GALNT2: variants seen among roughly 807,000 people sequenced by gnomAD.
The protein encoded by GALNT2 is polypeptide N-acetylgalactosaminyltransferase 2.
In GALNT2, 31 loss-of-function variants were observed where a neutral mutation model predicts 81.4. The observed-to-expected ratio is 0.38, with a 90% CI of 0.29 to 0.51. The LOEUF is 0.51. Ranked by LOEUF, GALNT2 falls within the 20% of genes least tolerant of loss-of-function variation. GALNT2 has a pLI of 0.87. For synonymous variants in GALNT2, 303 were observed against 287.4 expected, an observed-to-expected ratio of 1.05 and a Z score of -0.55; for missense variants, 629 against 765.7, an observed-to-expected ratio of 0.82 and a Z score of 2.11.
chr1:230,260,338 C>G (rs1044985642), intron 11 of GALNT2, among the ~76,000 whole-genome samples: 7 of 151,964 alleles, frequency 4.6e-5, no homozygotes, highest in African/African-American at 1.7e-4. Context: ...CTGAGTGAAC[C>G]AATAAATAAA....
chr1:230,205,273 T>G (rs755000757), intron 3 of GALNT2, among the ~76,000 whole-genome samples: 5 of 152,208 alleles, frequency 3.3e-5, no homozygotes, highest in Non-Finnish European at 5.9e-5. Context: ...CTTAACAGCT[T>G]TCTTTGGGTT....
intron 1 of GALNT2, among the ~76,000 whole-genome samples, chr1:230,149,425 T>C (rs576323510): frequency 2.0e-5 from 3 of 152,238 alleles, no homozygotes; most frequent in African/African-American, 7.2e-5. Context: ...AATAGCTTGG[T>C]GGTTTGAGCA....
chr1:230,062,023 G>A (rs999510273), intron 1 of GALNT2, among the ~76,000 whole-genome samples: 14 of 152,044 alleles, frequency 9.2e-5, no homozygotes, highest in African/African-American at 3.1e-4. Flanking sequence ...ATGTGTTCAC[G>A]GACGTCTTCC....
At chr1:230,103,112 T>C (rs769272650) in intron 1 of GALNT2, among the ~76,000 whole-genome samples, 2 of 152,168 alleles carry the variant, frequency 1.3e-5, no homozygotes, top group Non-Finnish European at 2.9e-5. Flanking sequence ...GTAAAGAGCC[T>C]CTGTTACCTC....
intron 1 of GALNT2, chr1:230,092,176 G>GTTTTTTTTTTTTTTTTTTTTT (rs1553311874): frequency 2.4e-5 from 1 of 42,262 alleles, no homozygotes; most frequent in East Asian, 6.5e-4. Context: ...TATTCCTTTA[G>GTTTTTTTTTTTTTTTTTTTTT]TTTTTTTTTT....
intron 1 of GALNT2, among the ~76,000 whole-genome samples, chr1:230,067,902 C>T (rs190192715): frequency 6.6e-6 from 1 of 152,308 alleles, no homozygotes; most frequent in Non-Finnish European, 1.5e-5. Context: ...GCGTGGGTTC[C>T]GTGTTTCTGC....
intron 2 of GALNT2, among the ~76,000 whole-genome samples, chr1:230,189,027 C>T: frequency 6.6e-6 from 1 of 152,188 alleles, no homozygotes; most frequent in South Asian, 2.1e-4. Context: ...GGAAGAGGAG[C>T]AGGGGCAGCT....
upstream of GALNT2, chr1:230,057,977 G>A: frequency 2.2e-6 from 1 of 455,080 alleles, no homozygotes; most frequent in African/African-American, 2.0e-5. Context: ...GGGAGGAAAG[G>A]GCTCTGATAC....
intron 1 of GALNT2, among the ~76,000 whole-genome samples, chr1:230,165,155 T>C (rs1274433089): frequency 6.6e-6 from 1 of 152,248 alleles, no homozygotes; most frequent in Non-Finnish European, 1.5e-5. Context: ...CCAACACTCA[T>C]CATTCTCCAC....
At chr1:230,246,223 T>C in intron 8 of GALNT2, 73 bp downstream of exon 8, 6 of 1,119,218 alleles carry the variant, frequency 5.4e-6, no homozygotes, top group African/African-American at 1.5e-5. Flanking sequence ...CTCCCTCTCA[T>C]TGTCAGGAGT....
At chr1:230,081,002 C>T (rs750314859) in intron 1 of GALNT2, among the ~76,000 whole-genome samples, 5 of 152,210 alleles carry the variant, frequency 3.3e-5, no homozygotes, top group Non-Finnish European at 7.3e-5. Context: ...CAGGCATTCA[C>T]GAGCCCAGAG....
chr1:230,254,773 C>T (rs1475922709), intron 10 of GALNT2, among the ~76,000 whole-genome samples: 1 of 152,186 alleles, frequency 6.6e-6, no homozygotes, highest in Non-Finnish European at 1.5e-5. Flanking sequence ...GTTGCCTTTT[C>T]CCACGGTGTT....
At chr1:230,175,717 T>C (rs1408981452) in intron 1 of GALNT2, among the ~76,000 whole-genome samples, 3 of 146,192 alleles carry the variant, frequency 2.1e-5, no homozygotes, top group Non-Finnish European at 4.5e-5. Context: ...CCATTTTTAC[T>C]GTAGGAGCAG....
intron 1 of GALNT2, among the ~76,000 whole-genome samples, chr1:230,076,567 A>T (rs1571932321): frequency 6.6e-6 from 1 of 152,088 alleles, no homozygotes; most frequent in African/African-American, 2.4e-5. Flanking sequence ...AGCTTCTGTG[A>T]TAGATAGTAT....
In GALNT2 at chr1:230,145,701, C is replaced by T. The variant is rs147441871; in HGVS notation, c.127-32517C>T. On this transcript the variant is annotated intron_variant, in intron 1 of 15. Coordinates refer to ENST00000366672, the MANE Select transcript of GALNT2 (RefSeq NM_004481.5). The stretch of plus-strand genomic sequence containing the variant: ...GCCTTGCCCCGTGTGGTGCCTGATG[C>T]AGCACAGCAGGACGTCAGGCAAGCC... Among the ~76,000 whole-genome samples the T allele has an allele frequency of 1.8e-3, 276 of 152,350 alleles. 1 individual carries two copies. Among genetic ancestry groups the T allele is most frequent in the African/African-American group, 6.4e-3 (267 of 41,588 alleles).
intron 1 of GALNT2, among the ~76,000 whole-genome samples, chr1:230,127,206 G>A (rs113519063): frequency 5.2e-4 from 79 of 151,848 alleles, no homozygotes; most frequent in African/African-American, 1.8e-3. Context: ...TGTGAGCCCC[G>A]CCTGCGCTGG....
intron 1 of GALNT2, among the ~76,000 whole-genome samples, chr1:230,173,624 C>T (rs1662867005): frequency 6.6e-6 from 1 of 152,158 alleles, no homozygotes; most frequent in African/African-American, 2.4e-5. Context: ...TTATACTTGT[C>T]ACTAAAAAGA....
At chr1:230,226,097 T>C (rs373904195) in intron 3 of GALNT2, among the ~76,000 whole-genome samples, 6 of 152,246 alleles carry the variant, frequency 3.9e-5, no homozygotes, top group African/African-American at 1.4e-4. Context: ...GCGCCCAGCC[T>C]GCGGTTGGCT....
intron 2 of GALNT2, among the ~76,000 whole-genome samples, chr1:230,189,197 G>A (rs1663437988): frequency 6.6e-6 from 1 of 152,194 alleles, no homozygotes; most frequent in Non-Finnish European, 1.5e-5. Context: ...GTAACCTTGT[G>A]TAAAGGGCTG....
Sources: gnomAD v4.1 joint callset for allele counts (sites outside exome capture counted in the v4.1 genomes callset) on GRCh38, gnomAD v4.1.1 for gene constraint, MANE v1.5 for transcripts, NCBI Gene and HGNC (gene_info 2026-07-23, HGNC 2026-07-21) for gene names.